Variants in EBF1 observed in about 807,000 individuals in gnomAD.
EBF1 encodes the protein EBF transcription factor 1, also known as transcription factor COE1.
EBF1 carries 10 observed loss-of-function variants against 68.4 expected under a neutral mutation model. The ratio of observed to expected loss-of-function variants is 0.15; its 90% CI spans 0.09 to 0.25. The LOEUF is 0.25. Among genes scored for constraint, EBF1 ranks in the 10% least tolerant of loss-of-function variants. The pLI, the probability that EBF1 is intolerant of heterozygous loss-of-function variation, is 1.00. For missense variants in EBF1, 509 were observed against 794.4 expected, an observed-to-expected ratio of 0.64 and a Z score of 4.32; for synonymous variants, 298 against 299.8, an observed-to-expected ratio of 0.99 and a Z score of 0.06.
At chr5:158,950,790 G>T (rs1815794422) in intron 6 of EBF1, among the ~76,000 whole-genome samples, 1 of 152,096 alleles carries the variant, frequency 6.6e-6, no homozygotes, top group African/African-American at 2.4e-5. Flanking sequence ...ATCCTTCCCT[G>T]TTCACTCTAA....
At chr5:158,971,472 G>T (rs1012244459) in intron 6 of EBF1, among the ~76,000 whole-genome samples, 2 of 152,190 alleles carry the variant, frequency 1.3e-5, no homozygotes, top group African/African-American at 2.4e-5. Flanking sequence ...AGCAGTACAG[G>T]CTGTCAGGGG....
intron 10 of EBF1, among the ~76,000 whole-genome samples, chr5:158,753,702 T>A (rs1769436464): frequency 6.6e-6 from 1 of 152,140 alleles, no homozygotes; most frequent in Admixed American, 6.5e-5. Flanking sequence ...TTAGGCAAAA[T>A]AAATTATTCA....
chr5:158,748,729 G>A (rs892188953), intron 10 of EBF1, among the ~76,000 whole-genome samples: 8 of 152,160 alleles, frequency 5.3e-5, no homozygotes, highest in African/African-American at 1.9e-4. Flanking sequence ...TGCTGCCCTT[G>A]CAAAATTGAC....
At chr5:158,970,730 G>A (rs1755486014) in intron 6 of EBF1, among the ~76,000 whole-genome samples, 1 of 152,166 alleles carries the variant, frequency 6.6e-6, no homozygotes, top group Non-Finnish European at 1.5e-5. Context: ...AATCCTGTAT[G>A]TCTGTTAGTA....
intron 6 of EBF1, among the ~76,000 whole-genome samples, chr5:158,922,683 A>G (rs1338056273): frequency 6.6e-6 from 1 of 152,192 alleles, no homozygotes; most frequent in Non-Finnish European, 1.5e-5. Flanking sequence ...TACATTATGG[A>G]CACTAAGAGA....
At chr5:158,953,801 G>T (rs1816519671) in intron 6 of EBF1, among the ~76,000 whole-genome samples, 1 of 152,174 alleles carries the variant, frequency 6.6e-6, no homozygotes, top group Admixed American at 6.5e-5. Context: ...TATAGCCTGT[G>T]ACTTGACTTA....
chr5:158,783,522 T>G (rs1581846054), intron 9 of EBF1, among the ~76,000 whole-genome samples: 1 of 152,296 alleles, frequency 6.6e-6, no homozygotes, highest in Admixed American at 6.5e-5. Context: ...GGCAGTAAGA[T>G]GAAACACACA....
chr5:158,844,529 T>C (rs1401327695), intron 6 of EBF1, among the ~76,000 whole-genome samples: 2 of 152,234 alleles, frequency 1.3e-5, no homozygotes, highest in Non-Finnish European at 2.9e-5. Context: ...TAATCATCAC[T>C]TAGTCTAACC....
At chr5:158,896,173 C>T (rs1418601018) in intron 6 of EBF1, among the ~76,000 whole-genome samples, 1 of 152,180 alleles carries the variant, frequency 6.6e-6, no homozygotes, top group Non-Finnish European at 1.5e-5. Context: ...TCCTTAATCA[C>T]TTGAGGATAA....
intron 6 of EBF1, among the ~76,000 whole-genome samples, chr5:158,910,225 C>A (rs1393651672): frequency 2.0e-5 from 3 of 152,156 alleles, no homozygotes; most frequent in Non-Finnish European, 4.4e-5. Context: ...ACTCACTGTT[C>A]CTATCAGAAA....
At chr5:158,828,526 G>A (rs1007102726) in intron 7 of EBF1, among the ~76,000 whole-genome samples, 1 of 152,106 alleles carries the variant, frequency 6.6e-6, no homozygotes, top group Non-Finnish European at 1.5e-5. Flanking sequence ...GACAAAGCTA[G>A]ACACATGATA....
At chr5:158,938,678 A>C (rs368805551) in intron 6 of EBF1, among the ~76,000 whole-genome samples, 11 of 152,288 alleles carry the variant, frequency 7.2e-5, no homozygotes, top group African/African-American at 1.4e-4. Flanking sequence ...AGAACGAGAG[A>C]GAGAGCGCTC....
At chr5:159,055,225 G>T (rs1020270413) in intron 6 of EBF1, among the ~76,000 whole-genome samples, 1 of 152,134 alleles carries the variant, frequency 6.6e-6, no homozygotes, top group South Asian at 2.1e-4. Flanking sequence ...TTAATAATAG[G>T]TACTGTCCAA....
At chr5:159,084,780 G>C in intron 4 of EBF1, 41 bp from the exon 5 acceptor site, 2 of 1,413,472 alleles carry the variant, frequency 1.4e-6, no homozygotes, top group Non-Finnish European at 1.9e-6. Context: ...ATGGAAAGGA[G>C]TAGCAGAAAA....
intron 8 of EBF1, among the ~76,000 whole-genome samples, chr5:158,810,678 G>A (rs1467476684): frequency 6.6e-6 from 1 of 152,238 alleles, no homozygotes; most frequent in Middle Eastern, 3.4e-3. Flanking sequence ...GCATATGTTC[G>A]CATATAAAAT....
At chr5:158,938,581 G>T (rs758771324) in intron 6 of EBF1, among the ~76,000 whole-genome samples, 10 of 152,256 alleles carry the variant, frequency 6.6e-5, no homozygotes, top group Non-Finnish European at 1.3e-4. Context: ...AGTCCAAGAT[G>T]AGGGTGCTGC....
chr5:158,922,016 T>C (rs1808552050), intron 6 of EBF1, among the ~76,000 whole-genome samples: 1 of 152,218 alleles, frequency 6.6e-6, no homozygotes, highest in Admixed American at 6.5e-5. Context: ...CGAAAACTCC[T>C]GTTTCAAACA....
intron 6 of EBF1, among the ~76,000 whole-genome samples, chr5:159,018,741 T>A (rs1766095152): frequency 6.6e-6 from 1 of 152,218 alleles, no homozygotes; most frequent in African/African-American, 2.4e-5. Flanking sequence ...TTATTCTTTT[T>A]GCCTCCATTT....
intron 6 of EBF1, among the ~76,000 whole-genome samples, chr5:158,870,177 T>C (rs973870468): frequency 2.0e-5 from 3 of 152,170 alleles, no homozygotes; most frequent in Non-Finnish European, 2.9e-5. Context: ...GGCCATGTTA[T>C]TAAAAATACA....
Sources: gnomAD v4.1 joint callset for allele counts (sites outside exome capture counted in the v4.1 genomes callset) on GRCh38, gnomAD v4.1.1 for gene constraint, MANE v1.5 for transcripts, NCBI Gene and HGNC (gene_info 2026-07-23, HGNC 2026-07-21) for gene names.